The following CLEC12B variants were observed in gnomAD, a reference collection of about 807,000 sequenced individuals.
The protein encoded by CLEC12B is macrophage antigen h.
A neutral mutation model predicts 36.1 loss-of-function variants in CLEC12B; 25 were observed. That is an observed-to-expected ratio of 0.69 (90% CI 0.50 to 0.97). The LOEUF is 0.97. Among genes scored for constraint, CLEC12B ranks in the 50% least tolerant of loss-of-function variants. CLEC12B has a pLI of 0.00. For synonymous variants in CLEC12B, 110 were observed against 108.5 expected, an observed-to-expected ratio of 1.01 and a Z score of -0.09; for missense variants, 325 against 318.4, an observed-to-expected ratio of 1.02 and a Z score of -0.16.
At chr12:10,007,520 C>CT (rs1320668401), upstream of CLEC12B, among the ~76,000 whole-genome samples, 13 of 151,964 alleles carry the variant, frequency 8.6e-5, no homozygotes, top group East Asian at 2.3e-3. Flanking sequence ...TTCTGAATTT[C>CT]TTTTTTTTCT....
intron 5 of CLEC12B, 60 bp downstream of exon 5, chr12:10,015,787 T>G (rs757506410): frequency 8.7e-6 from 14 of 1,603,338 alleles, no homozygotes; most frequent in Admixed American, 1.7e-5. Flanking sequence ...GGAAAATTAA[T>G]AATGATTGTG....
chr12:10,012,612 A>T (rs898684959), intron 1 of CLEC12B, among the ~76,000 whole-genome samples, 173 bp from the exon 2 acceptor site: 1 of 152,156 alleles, frequency 6.6e-6, no homozygotes, highest in African/African-American at 2.4e-5. Context: ...AGGGGAAACA[A>T]GGATGGCACC....
rs79100369 is a variant in CLEC12B at position 10,012,154 on chromosome 12, T to C, written c.92-631T>C. On this transcript the variant is annotated intron_variant, in intron 1 of 5. Transcript: ENST00000338896. ...ATTATTTATTAGGTGATAAATAGCA[T>C]GAATAATAGATAAGTTATTGTTAAC... is the stretch of plus-strand genomic sequence containing the variant. Among the ~76,000 whole-genome samples, 37 of 152,320 alleles carry C rather than the reference T, an allele frequency of 2.4e-4. No individual in the cohort carries two copies. In the East Asian group the frequency reaches 4.8e-3, roughly 20 times the overall value.
upstream of CLEC12B, among the ~76,000 whole-genome samples, chr12:10,009,307 A>T (rs1006866299): frequency 1.3e-5 from 2 of 151,846 alleles, no homozygotes; most frequent in Non-Finnish European, 2.9e-5. Flanking sequence ...AGTCAGCGAG[A>T]CCAGGAACCC....
intron 5 of CLEC12B, chr12:10,016,861 T>C: frequency 2.8e-6 from 1 of 360,678 alleles, no homozygotes; most frequent in Non-Finnish European, 3.9e-6. Context: ...TATGAAACAC[T>C]AGGTCTTACT....
upstream of CLEC12B, among the ~76,000 whole-genome samples, chr12:10,009,354 GAGAT>G (rs1032261180): frequency 1.3e-5 from 2 of 152,094 alleles, no homozygotes; most frequent in African/African-American, 4.8e-5. Flanking sequence ...GACCAGAACA[GAGAT>G]AGAAAACCAT....
chr12:10,013,129 T>G (rs1324828941), intron 2 of CLEC12B: 1 of 475,170 alleles, frequency 2.1e-6, no homozygotes, highest in Non-Finnish European at 3.7e-6. Flanking sequence ...ACTCTTTGTT[T>G]CCAGTTATTC....
chr12:10,018,196 A>G (rs982407976), intron 5 of CLEC12B, 135 bp from the exon 6 acceptor site: 3 of 683,776 alleles, frequency 4.4e-6, no homozygotes, highest in Non-Finnish European at 6.5e-6. Flanking sequence ...GCAGCTTCAG[A>G]TTTTGAAGCT....
chr12:10,017,354 G>C (rs1865511761), intron 5 of CLEC12B: 6 of 985,234 alleles, frequency 6.1e-6, no homozygotes, highest in Non-Finnish European at 7.2e-6. Context: ...ACTAGACTGA[G>C]GGTTTCCAGG....
chr12:10,015,453 G>C, intron 4 of CLEC12B, 47 bp downstream of exon 4: 2 of 1,577,914 alleles, frequency 1.3e-6, no homozygotes, highest in Non-Finnish European at 1.7e-6. Flanking sequence ...TCCATACAAT[G>C]AGAGAGAAAT....
At chr12:10,014,811 C>A in intron 3 of CLEC12B, 70 bp downstream of exon 3, 1 of 1,023,630 alleles carries the variant, frequency 9.8e-7, no homozygotes, top group Non-Finnish European at 1.5e-6. Flanking sequence ...ATCACATGTA[C>A]CACCTAAGAG....
chr12:10,010,533 T>C, upstream of CLEC12B: 1 of 355,908 alleles, frequency 2.8e-6, no homozygotes, highest in Non-Finnish European at 5.3e-6. Flanking sequence ...CAGTTTGAGA[T>C]CTGTAACATT....
At chr12:10,011,387 T>C (rs1038717340) in intron 1 of CLEC12B, among the ~76,000 whole-genome samples, 2 of 152,304 alleles carry the variant, frequency 1.3e-5, no homozygotes, top group East Asian at 3.9e-4. Flanking sequence ...GAACCAGTAA[T>C]AATAGTATCT....
chr12:10,016,535 T>C (rs573893201), intron 5 of CLEC12B: 42 of 290,392 alleles, frequency 1.4e-4, no homozygotes, highest in Admixed American at 1.4e-3. Flanking sequence ...CCTCTCATCA[T>C]AACTACATTT....
chr12:10,011,843 T>C (rs1865335120), intron 1 of CLEC12B, among the ~76,000 whole-genome samples: 1 of 152,266 alleles, frequency 6.6e-6, no homozygotes, highest in Non-Finnish European at 1.5e-5. Flanking sequence ...TACACATTTT[T>C]GCCTTGTTTT....
At chr12:10,015,776 G>A (rs1489124271) in intron 5 of CLEC12B, 49 bp downstream of exon 5, 6 of 1,604,170 alleles carry the variant, frequency 3.7e-6, no homozygotes, top group African/African-American at 1.3e-5. Flanking sequence ...ATGGAATCCT[G>A]GGAAAATTAA....
At position 10,015,253 on chromosome 12, in the gene CLEC12B, C is replaced by A. The variant is rs537215485; in HGVS notation, c.411C>A (p.Asp137Glu). The A allele has an allele frequency of 4.4e-5, 71 of 1,610,520 alleles. No homozygotes were observed. In the South Asian group the frequency reaches 7.2e-4, roughly 16 times the overall value. ...LCQELIIHTS[D>E]HRCNPCPKMW... is the part of the protein sequence containing the mutation. ...TATTGGGTATAATTTCCTTTTCAGA[C>A]CACAGATGTAATCCATGTCCTAAGA... Residue 137 changes from aspartate to glutamate, a missense_variant and splice_region_variant, in exon 4 of 6, where the codon GAC (aspartate) becomes GAA (glutamate). Physicochemically the swap from Asp to Glu is conservative, Grantham distance 45. Transcript: ENST00000338896.
chr12:10,013,518 T>C (rs1190888154), intron 2 of CLEC12B: 1 of 153,062 alleles, frequency 6.5e-6, no homozygotes, highest in Non-Finnish European at 1.5e-5. Flanking sequence ...GGGATGAACA[T>C]GGTAGGGAGT....
rs909738985 is a variant in CLEC12B at position 10,011,379 on chromosome 12, AC to A, written c.91+531del. ...ATCCGAGCATAATTTGTAATGTTGA[AC>A]CAGTAATAATAGTATCTGGGTAGTA... On this transcript the variant is annotated intron_variant, in intron 1 of 5. Transcript: ENST00000338896. 4.6e-5 allele frequency among the ~76,000 whole-genome samples: 7 copies of A among 152,304 alleles called. No homozygotes were observed. In the East Asian group the frequency reaches 1.2e-3, roughly 25 times the overall value.
Sources: allele counts gnomAD v4.1 joint callset (sites outside exome capture counted in the v4.1 genomes callset), GRCh38; gene constraint gnomAD v4.1.1; transcripts MANE v1.5; gene names NCBI Gene and HGNC (gene_info 2026-07-23, HGNC 2026-07-21).